Variants in TMCO6 observed in about 807,000 individuals in gnomAD.
The protein encoded by TMCO6 is transmembrane and coiled-coil domains 6.
In TMCO6, 47 loss-of-function variants were observed where a neutral mutation model predicts 61.8. The observed-to-expected ratio is 0.76, with a 90% CI of 0.60 to 0.97. TMCO6 has a LOEUF of 0.97. TMCO6 is among the 50% of genes least tolerant of loss of function. The pLI is 0.00. For synonymous variants in TMCO6, 261 were observed against 254.2 expected, an observed-to-expected ratio of 1.03 and a Z score of -0.25; for missense variants, 557 against 601.6, an observed-to-expected ratio of 0.93 and a Z score of 0.78.
chr5:140,643,358 G>T (rs1486856825), intron 7 of TMCO6: 1 of 605,406 alleles, frequency 1.7e-6, no homozygotes, highest in African/African-American at 1.9e-5. Flanking sequence ...CACTATGCCC[G>T]GCTAATTTTT....
At chr5:140,613,703 C>CTAT in the TMCO6 span, among the ~76,000 whole-genome samples, 11 of 152,020 alleles carry the variant, frequency 7.2e-5, no homozygotes, top group East Asian at 1.7e-3. Flanking sequence ...CATGCTATTT[C>CTAT]TATTATTATT....
chr5:140,620,812 C>T, the TMCO6 span, among the ~76,000 whole-genome samples: 1 of 151,986 alleles, frequency 6.6e-6, no homozygotes, highest in East Asian at 1.9e-4. Flanking sequence ...GGAGTTCGAG[C>T]CCAGCCTGGG....
In TMCO6 at chr5:140,642,119, T is replaced by C. The variant is rs1242678558; in HGVS notation, c.498+66T>C. ...TTAAAATTGTGCTTTTGGGACCAGT[T>C]TGAGCTGGCAGGTAGGAGGAAGAAA... On this transcript the variant is annotated intron_variant, in intron 4 of 11. Coordinates refer to ENST00000394671, the MANE Select transcript of TMCO6 (RefSeq NM_018502.5). 17 of 1,558,866 alleles carry C rather than the reference T, an allele frequency of 1.1e-5. No individual in the cohort carries two copies. In the Admixed American group the frequency reaches 1.2e-4, roughly 11 times the overall value.
the TMCO6 span, among the ~76,000 whole-genome samples, chr5:140,598,640 A>C: frequency 6.6e-6 from 1 of 152,148 alleles, no homozygotes; most frequent in Non-Finnish European, 1.5e-5. Flanking sequence ...GTCCAAAGTA[A>C]GTGTCTATTC....
the TMCO6 span, among the ~76,000 whole-genome samples, chr5:140,606,400 CT>C: frequency 6.6e-6 from 1 of 151,804 alleles, no homozygotes; most frequent in Non-Finnish European, 1.5e-5. Context: ...TTTGTACTTT[CT>C]TTTTTTTCTC....
chr5:140,637,025 A>G (rs1756785316), upstream of TMCO6, among the ~76,000 whole-genome samples: 1 of 152,166 alleles, frequency 6.6e-6, no homozygotes, highest in African/African-American at 2.4e-5. Flanking sequence ...CATTGGTACA[A>G]TGGTTCTGAG....
At chr5:140,621,969 C>T in the TMCO6 span, among the ~76,000 whole-genome samples, 3 of 152,102 alleles carry the variant, frequency 2.0e-5, no homozygotes, top group East Asian at 1.9e-4. Flanking sequence ...CAATGGTGCC[C>T]GAAACTTCAT....
chr5:140,601,993 C>T, the TMCO6 span, among the ~76,000 whole-genome samples: 27,286 of 152,166 alleles, frequency 0.18, 3,180 homozygotes, highest in East Asian at 0.29. Flanking sequence ...CCATGCTGTT[C>T]CCCCAAGAAA....
the TMCO6 span, among the ~76,000 whole-genome samples, chr5:140,606,664 C>T: frequency 6.6e-6 from 1 of 152,120 alleles, no homozygotes; most frequent in African/African-American, 2.4e-5. Flanking sequence ...TGGTGGCTCA[C>T]GCCTGTAATC....
chr5:140,596,852 A>G, the TMCO6 span, among the ~76,000 whole-genome samples: 6 of 152,218 alleles, frequency 3.9e-5, no homozygotes, highest in African/African-American at 1.2e-4. Flanking sequence ...GACCAGCTCA[A>G]CATGAATCCT....
At chr5:140,611,264 T>C in the TMCO6 span, among the ~76,000 whole-genome samples, 1 of 152,150 alleles carries the variant, frequency 6.6e-6, no homozygotes, top group Non-Finnish European at 1.5e-5. Flanking sequence ...TCTGTTCCCA[T>C]ACATCTTCCT....
chr5:140,602,954 C>T, the TMCO6 span, among the ~76,000 whole-genome samples: 151 of 151,852 alleles, frequency 9.9e-4, 1 homozygote, highest in African/African-American at 3.4e-3. Context: ...ACTAATAATA[C>T]AAAAATTAGC....
At chr5:140,647,732 C>G (rs751600651), downstream of TMCO6, 4 of 1,324,900 alleles carry the variant, frequency 3.0e-6, no homozygotes, top group Admixed American at 5.7e-5. Flanking sequence ...TGTAGGACCG[C>G]TGCGAGGTCA....
chr5:140,612,962 T>C, the TMCO6 span, among the ~76,000 whole-genome samples: 1 of 152,126 alleles, frequency 6.6e-6, no homozygotes, highest in Non-Finnish European at 1.5e-5. Context: ...AGGCTGGAGA[T>C]ACAAAACTGA....
At chr5:140,647,705 C>A, downstream of TMCO6, 1 of 1,403,284 alleles carries the variant, frequency 7.1e-7, no homozygotes, top group Non-Finnish European at 9.9e-7. Context: ...AAAGCTTGGC[C>A]AATGATATAA....
the TMCO6 span, among the ~76,000 whole-genome samples, chr5:140,596,979 C>T: frequency 6.6e-6 from 1 of 152,194 alleles, no homozygotes; most frequent in Non-Finnish European, 1.5e-5. Context: ...GCAGAGTAAA[C>T]CTGCCTTGCA....
chr5:140,644,146 T>A lies in TMCO6; in HGVS notation c.1152T>A (p.Ile384=), dbSNP rs761777723. ...FCTSLLSLDL[I]EPLLQLLPVS... ...CCTCCTTGCTCTCCCTGGATCTGAT[T>A]GAGCCTCTCTTACAGCTGTTGCCAG... Residue 384 remains isoleucine (I), a synonymous_variant, in exon 10 of 12, where the codon ATT becomes ATA. Coordinates refer to ENST00000394671, the MANE Select transcript of TMCO6 (RefSeq NM_018502.5). 8.1e-6 allele frequency: 13 copies of A among 1,614,088 alleles called. No individual in the cohort carries two copies. In the Middle Eastern group the frequency reaches 4.9e-4, roughly 61 times the overall value.
chr5:140,615,129 A>T, the TMCO6 span, among the ~76,000 whole-genome samples: 1 of 152,218 alleles, frequency 6.6e-6, no homozygotes, highest in Non-Finnish European at 1.5e-5. Context: ...AACACTGAAA[A>T]ATCACTGTTT....
chr5:140,617,706 C>A, the TMCO6 span, among the ~76,000 whole-genome samples: 1 of 147,966 alleles, frequency 6.8e-6, no homozygotes, highest in African/African-American at 2.5e-5. Flanking sequence ...TGCACTCTAG[C>A]CTGGGCAACA....
Sources: gnomAD v4.1 joint callset for allele counts (sites outside exome capture counted in the v4.1 genomes callset) on GRCh38, gnomAD v4.1.1 for gene constraint, MANE v1.5 for transcripts, NCBI Gene and HGNC (gene_info 2026-07-23, HGNC 2026-07-21) for gene names.